The following LRFN5 variants were observed in gnomAD, a reference collection of about 807,000 sequenced individuals.
LRFN5 encodes leucine rich repeat and fibronectin type III domain containing 5.
A neutral mutation model predicts 45.6 loss-of-function variants in LRFN5; 24 were observed. The ratio of observed to expected loss-of-function variants is 0.53; its 90% CI spans 0.38 to 0.74. The LOEUF is 0.74. Among genes scored for constraint, LRFN5 ranks in the 30% least tolerant of loss-of-function variants. The probability of loss-of-function intolerance (pLI) is 0.00; values close to 1 mark genes in which losing one functional copy is unlikely to be tolerated. For synonymous variants in LRFN5, 340 were observed against 313.8 expected (o/e 1.08, Z -0.88); for missense variants, 776 against 861.5 (o/e 0.90, Z 1.24).
At chr14:41,746,837 C>T (rs1483339157) in intron 1 of LRFN5, among the ~76,000 whole-genome samples, 4 of 151,942 alleles carry the variant, frequency 2.6e-5, no homozygotes, top group Non-Finnish European at 5.9e-5. Context: ...CCTGCTAGAA[C>T]TAATGAACAC....
intron 1 of LRFN5, among the ~76,000 whole-genome samples, chr14:41,713,372 T>C (rs900412979): frequency 2.0e-5 from 3 of 152,090 alleles, no homozygotes; most frequent in East Asian, 3.8e-4. Context: ...AATTAGACTC[T>C]TGTACAATTA....
chr14:41,699,393 A>G (rs1882747178), intron 1 of LRFN5: 2 of 152,088 alleles, frequency 1.3e-5, no homozygotes, highest in Admixed American at 1.3e-4. Flanking sequence ...TCAGGATAAG[A>G]CACAACTTAT....
chr14:41,793,893 A>G (rs1887025336), intron 2 of LRFN5, among the ~76,000 whole-genome samples: 1 of 152,052 alleles, frequency 6.6e-6, no homozygotes, highest in South Asian at 2.1e-4. Context: ...CTTACATACA[A>G]TATATCTGAA....
At chr14:41,653,484 C>G (rs1880228142) in intron 1 of LRFN5, among the ~76,000 whole-genome samples, 1 of 152,046 alleles carries the variant, frequency 6.6e-6, no homozygotes, top group African/African-American at 2.4e-5. Context: ...TATAAGCCAA[C>G]ATGCAGTTTT....
At chr14:41,862,199 A>G (rs1431457893) in intron 2 of LRFN5, among the ~76,000 whole-genome samples, 1 of 152,208 alleles carries the variant, frequency 6.6e-6, no homozygotes, top group East Asian at 1.9e-4. Flanking sequence ...TTATAGCAGT[A>G]TGAATGGACT....
intron 2 of LRFN5, among the ~76,000 whole-genome samples, chr14:41,795,452 A>C (rs913900233): frequency 6.6e-6 from 1 of 152,166 alleles, no homozygotes; most frequent in South Asian, 2.1e-4. Flanking sequence ...ATTATAAATC[A>C]TGCTGCTATA....
intron 2 of LRFN5, among the ~76,000 whole-genome samples, chr14:41,788,098 C>A (rs1886793212): frequency 6.6e-6 from 1 of 152,036 alleles, no homozygotes; most frequent in African/African-American, 2.4e-5. Flanking sequence ...GCCTCCAGAA[C>A]TGTGAGAAAA....
intron 2 of LRFN5, among the ~76,000 whole-genome samples, chr14:41,884,775 T>C (rs1268265035): frequency 1.3e-5 from 2 of 152,116 alleles, no homozygotes; most frequent in Non-Finnish European, 2.9e-5. Context: ...ATGTTTCTCA[T>C]AGACAAGGAA....
At chr14:41,765,296 C>T (rs1236035900) in intron 1 of LRFN5, among the ~76,000 whole-genome samples, 2 of 148,524 alleles carry the variant, frequency 1.3e-5, no homozygotes, top group African/African-American at 2.5e-5. Context: ...GAGCCGAGAT[C>T]GCGCCACTGC....
At chr14:41,632,866 A>G (rs1888597356) in intron 1 of LRFN5, among the ~76,000 whole-genome samples, 1 of 152,156 alleles carries the variant, frequency 6.6e-6, no homozygotes, top group Non-Finnish European at 1.5e-5. Context: ...TAAAATTCTT[A>G]TATTTTGGTG....
chr14:41,695,405 C>T (rs12590193), intron 1 of LRFN5, among the ~76,000 whole-genome samples: 10,507 of 151,988 alleles, frequency 0.069, 860 homozygotes, highest in East Asian at 0.44. Flanking sequence ...AGCAGATTTT[C>T]AATATAGACA....
At chr14:41,760,091 T>C (rs908523547) in intron 1 of LRFN5, among the ~76,000 whole-genome samples, 1 of 152,216 alleles carries the variant, frequency 6.6e-6, no homozygotes, top group Non-Finnish European at 1.5e-5. Context: ...CAATTTTATA[T>C]GTATTTGTAT....
At chr14:41,816,381 C>G (rs1057120042) in intron 2 of LRFN5, among the ~76,000 whole-genome samples, 2 of 151,934 alleles carry the variant, frequency 1.3e-5, no homozygotes, top group African/African-American at 4.8e-5. Context: ...TTATTTCCTT[C>G]TTTATGGAGA....
chr14:41,824,698 G>T (rs1391640558), intron 2 of LRFN5, among the ~76,000 whole-genome samples: 1 of 152,150 alleles, frequency 6.6e-6, no homozygotes, highest in Non-Finnish European at 1.5e-5. Flanking sequence ...GGACCTCTCT[G>T]TTGTCTCAGG....
intron 1 of LRFN5, among the ~76,000 whole-genome samples, chr14:41,670,072 C>G (rs1208261211): frequency 6.8e-6 from 1 of 147,598 alleles, no homozygotes; most frequent in African/African-American, 2.5e-5. Context: ...ACTATATGCA[C>G]CTATATATAC....
At position 41,698,163 on chromosome 14, in the gene LRFN5, A is replaced by G. The variant is rs559317053; in HGVS notation, c.-196-68691A>G. ...TAAAGCAACAAATTCCTATAAAAAT[A>G]TAGGGAAGGAATCAAAGATTACAGG... On this transcript the variant is annotated intron_variant, in intron 1 of 5. Coordinates refer to ENST00000298119, the MANE Select transcript of LRFN5 (RefSeq NM_152447.5). Among the ~76,000 whole-genome samples the G allele has an allele frequency of 4.5e-3, 691 of 152,158 alleles. 3 individuals carry two copies. Among genetic ancestry groups the G allele is most frequent in the Non-Finnish European group, 6.7e-3 (456 of 67,954 alleles).
intron 1 of LRFN5, among the ~76,000 whole-genome samples, chr14:41,628,273 TAA>T (rs1888408805): frequency 6.6e-6 from 1 of 152,178 alleles, no homozygotes; most frequent in Non-Finnish European, 1.5e-5. Context: ...TAGGCAAAAA[TAA>T]AAGATTTCTA....
chr14:41,715,003 A>C (rs775217441), intron 1 of LRFN5, among the ~76,000 whole-genome samples: 17 of 152,214 alleles, frequency 1.1e-4, no homozygotes, highest in Non-Finnish European at 1.6e-4. Context: ...AAAACATAGA[A>C]TGTTAAAGGG....
chr14:41,841,474 G>T (rs147666359), intron 2 of LRFN5, among the ~76,000 whole-genome samples: 1 of 151,838 alleles, frequency 6.6e-6, no homozygotes, highest in South Asian at 2.1e-4. Context: ...ACATTAGATG[G>T]TTATACCATT....
Sources: allele counts gnomAD v4.1 joint callset (sites outside exome capture counted in the v4.1 genomes callset), GRCh38; gene constraint gnomAD v4.1.1; transcripts MANE v1.5; gene names NCBI Gene and HGNC (gene_info 2026-07-23, HGNC 2026-07-21).